GABBR1: variants seen among roughly 807,000 people sequenced by gnomAD.
GABBR1 encodes gamma-aminobutyric acid type B receptor subunit 1.
GABBR1 carries 35 observed loss-of-function variants against 117.7 expected under a neutral mutation model. The ratio of observed to expected loss-of-function variants is 0.30; its 90% confidence interval spans 0.23 to 0.39. The LOEUF (loss-of-function observed/expected upper bound fraction) is 0.39, where lower values mean the gene tolerates loss of function less well. Ranked by LOEUF, GABBR1 falls within the 10% of genes least tolerant of loss-of-function variation. The pLI is 1.00. For missense variants in GABBR1, 709 were observed against 1,241.8 expected, an observed-to-expected ratio of 0.57 and a Z score of 6.45; for synonymous variants, 442 against 486.6, an observed-to-expected ratio of 0.91 and a Z score of 1.21.
chr6:29,630,244 A>G lies in GABBR1; in HGVS notation c.475+214T>C. On this transcript the variant is annotated intron_variant, in intron 4 of 22. Coordinates refer to ENST00000377034, the MANE Select transcript of GABBR1 (RefSeq NM_001470.4). This position sits in a 1 kb window ranked among gnomAD's most constrained non-coding sequence, Gnocchi z 4.9. ...GCAGGAAGATTTTTTTAAAAGGTAA[A>G]GGAAGGAAGCCCCCAACCTACAGAG... 2.2e-6 allele frequency: 1 copy of G among 460,170 alleles called. No individual in the cohort carries two copies. The highest frequency in any genetic ancestry group is 3.9e-6 in the Non-Finnish European group (1 of 257,928). The allele number at this position is 460,170 out of a possible 1,614,324, so 28.5% of individuals were successfully genotyped here.
In GABBR1 at chr6:29,627,425, G is replaced by A; in HGVS notation, c.657+61C>T. On this transcript the variant is annotated intron_variant, in intron 6 of 22. Transcript: ENST00000377034. The surrounding 1 kb of genome is among the most constrained non-coding windows in gnomAD (Gnocchi z 4.4). ...ACTCAGACAGATGGGGGCGCGTGCA[G>A]CTGGCTGGCCCCCTGCCCCGCAAGC... is the stretch of plus-strand genomic sequence containing the variant. 1 of 1,495,912 alleles carries A rather than the reference G, an allele frequency of 6.7e-7. No homozygotes were observed. The allele number at this position is 1,495,912 out of a possible 1,614,324, so 92.7% of individuals were successfully genotyped here.
Position 29,632,693 on chromosome 6 carries a change from G to A in GABBR1, c.-1+157C>T. 1.4e-6 allele frequency: 2 copies of A among 1,411,856 alleles called. No individual in the cohort carries two copies. Among genetic ancestry groups the A allele is most frequent in the Admixed American group, 2.3e-5 (1 of 43,096 alleles). 87.5% of individuals were successfully genotyped at this position (1,411,856 alleles called of 1,614,324 possible). A position where few individuals can be genotyped will look rare whatever the true frequency, so the allele number is the denominator to read the frequency against. ...GAAGCCTGGCTTACCCACGCTCCCG[G>A]CATCGGCCGCCTCAGCGCTCCCCGA... On this transcript the variant is annotated intron_variant, in intron 1 of 22. Transcript: ENST00000377034. The surrounding 1 kb of genome is among the most constrained non-coding windows in gnomAD (Gnocchi z 5.8).
rs1019568466 is a variant in GABBR1, at chr6:29,613,720, T to C, written c.1324-235A>G. On this transcript the variant is annotated intron_variant, in intron 11 of 22. Coordinates refer to ENST00000377034, the MANE Select transcript of GABBR1 (RefSeq NM_001470.4). The surrounding 1 kb of genome is among the most constrained non-coding windows in gnomAD (Gnocchi z 4.1). Reference sequence around the variant, plus strand: ...TGTCTGATGGTGTTAGTGTGTACAGTTGCTAGCTCAGAACTGCAAACAGAG... The same window carrying C: ...TGTCTGATGGTGTTAGTGTGTACAGCTGCTAGCTCAGAACTGCAAACAGAG... Among the ~76,000 whole-genome samples, 1 of 152,200 alleles carries C rather than the reference T, an allele frequency of 6.6e-6. No homozygotes were observed. The highest frequency in any genetic ancestry group is 1.5e-5 in the Non-Finnish European group (1 of 68,040).
intron 15 of GABBR1, 64 bp from the exon 16 acceptor site, chr6:29,608,797 G>A (rs1762231250): frequency 6.4e-7 from 1 of 1,566,644 alleles, no homozygotes; most frequent in African/African-American, 1.4e-5. Context: ...GGGAGGCTGA[G>A]CTCTCCAAAT....
intron 4 of GABBR1, among the ~76,000 whole-genome samples, chr6:29,629,413 G>GA (rs1201133848): frequency 2.6e-5 from 4 of 151,844 alleles, no homozygotes; most frequent in Admixed American, 6.6e-5. Flanking sequence ...GAGTCTTTAA[G>GA]AAAAAAAATT....
chr6:29,626,586 C>T (rs1583012536), intron 6 of GABBR1, among the ~76,000 whole-genome samples: 2 of 152,138 alleles, frequency 1.3e-5, no homozygotes, highest in South Asian at 2.1e-4. Context: ...CTCAACTCAC[C>T]TCCCTAATCC....
In GABBR1 at chr6:29,606,954, C is replaced by T; in HGVS notation, c.2160G>A (p.Met720Ile). The change falls in exon 18 of 23, where the codon ATG (methionine) becomes ATA (isoleucine). Residue 720 changes from methionine to isoleucine, a missense_variant. By Grantham distance (10) the Met-to-Ile change is conservative (BLOSUM62 1). Around this residue, in one of 9 missense-constraint regions of GABBR1, gnomAD observed 251 missense variants for 445.3 expected, o/e 0.56. Transcript: ENST00000377034. The surrounding 1 kb of genome is among the most constrained non-coding windows in gnomAD (Gnocchi z 4.5). Reference sequence around the variant, plus strand: ...GCCAGATGGCGAGAGTGAGGACATCCATGCCCACCAGCAGGCCCACTGTGG... The same window carrying T: ...GCCAGATGGCGAGAGTGAGGACATCTATGCCCACCAGCAGGCCCACTGTGG... The part of the protein sequence containing the change: ...LYATVGLLVG[M>I]DVLTLAIWQI... The T allele has an allele frequency of 1.2e-6, 2 of 1,614,262 alleles. No individual in the cohort carries two copies. Among genetic ancestry groups the T allele is most frequent in the South Asian group, 2.2e-5 (2 of 91,090 alleles).
Position 29,632,741 on chromosome 6 carries a change from CTCCCCCAGCCCCGCT to C in GABBR1, c.-1+94_-1+108del, listed in dbSNP as rs905818450. The C allele has an allele frequency of 4.0e-6, 5 of 1,256,242 alleles. No individual in the cohort carries two copies. Among genetic ancestry groups the C allele is most frequent in the Non-Finnish European group, 4.1e-6 (4 of 976,926 alleles). The allele number at this position is 1,256,242 out of a possible 1,614,324, so 77.8% of individuals were successfully genotyped here. ...CGATTCCATCCCCGCGGTTCCTCCT[CTCCCCCAGCCCCGCT>C]TCCCCCAGCTGGGCCCTGCGCCCAC... On this transcript the variant is annotated intron_variant, in intron 1 of 22. Transcript: ENST00000377034. The surrounding 1 kb of genome is among the most constrained non-coding windows in gnomAD (Gnocchi z 5.8).
chr6:29,620,643 G>A lies in GABBR1; in HGVS notation c.1323+458C>T, dbSNP rs142954622. Among the ~76,000 whole-genome samples the A allele has an allele frequency of 5.1e-4, 78 of 152,014 alleles. No individual in the cohort carries two copies. Among genetic ancestry groups the A allele is most frequent in the African/African-American group, 1.7e-3 (71 of 41,446 alleles). On this transcript the variant is annotated intron_variant, in intron 11 of 22. Coordinates refer to ENST00000377034, the MANE Select transcript of GABBR1 (RefSeq NM_001470.4). The surrounding 1 kb of genome is among the most constrained non-coding windows in gnomAD (Gnocchi z 4.5). ...AAAGAATCATTAAAAAAAGCAACAG[G>A]ATCCAAGCTAATTGCATATCAATCA...
Position 29,622,241 on chromosome 6 carries a change from G to C in GABBR1, c.964-36C>G. ...AATAAAAAACAAGTTGGAAAAACAC[G>C]GGGTGCATGAGGGAATAAAGACCAG... On this transcript the variant is annotated intron_variant, in intron 8 of 22. Transcript: ENST00000377034. This position sits in a 1 kb window ranked among gnomAD's most constrained non-coding sequence, Gnocchi z 4.6. 7.1e-7 allele frequency: 1 copy of C among 1,410,624 alleles called. No homozygotes were observed. Among genetic ancestry groups the C allele is most frequent in the Non-Finnish European group, 1.0e-6 (1 of 996,046 alleles). The allele number at this position is 1,410,624 out of a possible 1,614,324, so 87.4% of individuals were successfully genotyped here. A position where few individuals can be genotyped will look rare whatever the true frequency, so the allele number is the denominator to read the frequency against.
At chr6:29,626,819 C>G (rs1324244706) in intron 6 of GABBR1, among the ~76,000 whole-genome samples, 1 of 151,982 alleles carries the variant, frequency 6.6e-6, no homozygotes, top group Non-Finnish European at 1.5e-5. Context: ...ATCCCCAATC[C>G]AATTCATTTT....
rs1274582799 is a variant in GABBR1 at position 29,604,414 on chromosome 6, G to A, written c.2712+80C>T. On this transcript the variant is annotated intron_variant, in intron 22 of 22. Coordinates refer to ENST00000377034, the MANE Select transcript of GABBR1 (RefSeq NM_001470.4). The surrounding 1 kb of genome is among the most constrained non-coding windows in gnomAD (Gnocchi z 5.3). Reference sequence around the variant, plus strand: ...AAGAACATCTGACCCTGTATCTCAGGCTTGGCTTCAGACAACCCAAGCTAA... The same window carrying A: ...AAGAACATCTGACCCTGTATCTCAGACTTGGCTTCAGACAACCCAAGCTAA... 3 of 1,566,290 alleles carry A rather than the reference G, an allele frequency of 1.9e-6. No individual in the cohort carries two copies. The highest frequency in any genetic ancestry group is 2.6e-6 in the Non-Finnish European group (3 of 1,139,610).
chr6:29,616,201 CA>C (rs879657173), intron 11 of GABBR1, among the ~76,000 whole-genome samples: 54 of 141,232 alleles, frequency 3.8e-4, no homozygotes, highest in South Asian at 2.2e-3. Flanking sequence ...AACTCTGTCT[CA>C]AAAAAAAAAA....
chr6:29,606,529 C>T lies in GABBR1; in HGVS notation c.2218-45G>A. On this transcript the variant is annotated intron_variant, in intron 18 of 22. Coordinates refer to ENST00000377034, the MANE Select transcript of GABBR1 (RefSeq NM_001470.4). This position sits in a 1 kb window ranked among gnomAD's most constrained non-coding sequence, Gnocchi z 4.5. ...ACAAGAAAGATGGTTGCCAGCCTCC[C>T]CTCCTCTCCTCAACGCTTCTCAGTC... 1 of 1,289,056 alleles carries T rather than the reference C, an allele frequency of 7.8e-7. No homozygotes were observed. The highest frequency in any genetic ancestry group is 1.1e-6 in the Non-Finnish European group (1 of 884,212). 79.9% of individuals were successfully genotyped at this position (1,289,056 alleles called of 1,614,324 possible).
chr6:29,603,456 G>A lies in GABBR1; in HGVS notation c.*87C>T. On this transcript the variant is annotated 3_prime_UTR_variant, in exon 23 of 23. Transcript: ENST00000377034. The stretch of plus-strand genomic sequence containing the variant: ...TGGATAGCATGTTCTTCCCAGCTGG[G>A]GATGGGGACCCCCTGCTTCCTGAGT... 8.6e-7 allele frequency: 1 copy of A among 1,165,908 alleles called. No homozygotes were observed. Among genetic ancestry groups the A allele is most frequent in the Non-Finnish European group, 1.3e-6 (1 of 795,660 alleles). The allele number at this position is 1,165,908 out of a possible 1,614,324, so 72.2% of individuals were successfully genotyped here.
At position 29,613,138 on chromosome 6, in the gene GABBR1, G is replaced by T; in HGVS notation, c.1566+105C>A. 1 of 1,260,708 alleles carries T rather than the reference G, an allele frequency of 7.9e-7. No individual in the cohort carries two copies. Among genetic ancestry groups the T allele is most frequent in the Non-Finnish European group, 1.1e-6 (1 of 885,282 alleles). 78.1% of individuals were successfully genotyped at this position (1,260,708 alleles called of 1,614,324 possible). On this transcript the variant is annotated intron_variant, in intron 12 of 22. Coordinates refer to ENST00000377034, the MANE Select transcript of GABBR1 (RefSeq NM_001470.4). This position sits in a 1 kb window ranked among gnomAD's most constrained non-coding sequence, Gnocchi z 4.1. ...TCTGGTCGGAGACTGATTCTGCAAA[G>T]AAGTAACTGAGAAAAACAGAGAATG... is the stretch of plus-strand genomic sequence containing the variant.
In GABBR1 at chr6:29,609,497, T is replaced by C. The variant is rs868423226; in HGVS notation, c.1709-118A>G. On this transcript the variant is annotated intron_variant, in intron 14 of 22. Transcript: ENST00000377034. The surrounding 1 kb of genome is among the most constrained non-coding windows in gnomAD (Gnocchi z 4.3). Reference sequence around the variant, plus strand: ...TAGATTGCTGATGGACATTCAGTCATTGGCTGGGGACATGAGGCCCTAACT... The same window carrying C: ...TAGATTGCTGATGGACATTCAGTCACTGGCTGGGGACATGAGGCCCTAACT... 3.0e-5 allele frequency: 25 copies of C among 847,208 alleles called. No individual in the cohort carries two copies. Among genetic ancestry groups the C allele is most frequent in the Non-Finnish European group, 4.7e-5 (25 of 537,558 alleles). The allele number at this position is 847,208 out of a possible 1,614,324, so 52.5% of individuals were successfully genotyped here. A position where few individuals can be genotyped will look rare whatever the true frequency, so the allele number is the denominator to read the frequency against.
Position 29,632,487 on chromosome 6 carries a change from G to C in GABBR1, c.1-102C>G, listed in dbSNP as rs937446250. On this transcript the variant is annotated intron_variant, in intron 1 of 22. Coordinates refer to ENST00000377034, the MANE Select transcript of GABBR1 (RefSeq NM_001470.4). This position sits in a 1 kb window ranked among gnomAD's most constrained non-coding sequence, Gnocchi z 5.8. The stretch of plus-strand genomic sequence containing the variant: ...GCCGGTTGCCTCGCAGGCTCCGACC[G>C]GGCTCAGCCTGGGGACCAAGAGAGC... 7 of 1,081,736 alleles carry C rather than the reference G, an allele frequency of 6.5e-6. No homozygotes were observed. The highest frequency in any genetic ancestry group is 4.1e-5 in the Admixed American group (1 of 24,440). The allele number at this position is 1,081,736 out of a possible 1,614,324, so 67.0% of individuals were successfully genotyped here. A position where few individuals can be genotyped will look rare whatever the true frequency, so the allele number is the denominator to read the frequency against.
rs1207905878 is a variant in GABBR1 at position 29,609,177 on chromosome 6, T to C, written c.1859+52A>G. ...TTTATTCTCATCCTGTCCAGGAACA[T>C]GATCAGTATCTCAGAGAGGCAGACA... On this transcript the variant is annotated intron_variant, in intron 15 of 22. Transcript: ENST00000377034. This position sits in a 1 kb window ranked among gnomAD's most constrained non-coding sequence, Gnocchi z 4.3. The C allele has an allele frequency of 1.4e-5, 22 of 1,560,322 alleles. No homozygotes were observed. Among genetic ancestry groups the C allele is most frequent in the Non-Finnish European group, 1.8e-5 (20 of 1,133,436 alleles).
Sources: allele counts gnomAD v4.1 joint callset (sites outside exome capture counted in the v4.1 genomes callset), GRCh38; gene constraint gnomAD v4.1.1; regional missense constraint gnomAD v4.1.1; non-coding constraint Gnocchi (gnomAD v3.1); transcripts MANE v1.5; gene names NCBI Gene and HGNC (gene_info 2026-07-23, HGNC 2026-07-21).